The following NUP205 variants were observed in gnomAD, a reference collection of about 807,000 sequenced individuals.
NUP205 encodes nucleoporin 205.
A neutral mutation model predicts 253.8 loss-of-function variants in NUP205; 76 were observed. The ratio of observed to expected loss-of-function variants is 0.30; its 90% confidence interval spans 0.25 to 0.36. The LOEUF is 0.36. Among genes scored for constraint, NUP205 ranks in the 10% least tolerant of loss-of-function variants. The pLI, the probability that NUP205 is intolerant of heterozygous loss-of-function variation, is 1.00. For synonymous variants in NUP205, 832 were observed against 850.1 expected (o/e 0.98, Z 0.37); for missense variants, 2,162 against 2,425.5 (o/e 0.89, Z 2.28).
chr7:135,644,850 T>G (rs1794977195), intron 39 of NUP205, 45 bp from the exon 40 acceptor site: 2 of 1,591,410 alleles, frequency 1.3e-6, no homozygotes, highest in Admixed American at 3.5e-5. Context: ...ATTAAAAATT[T>G]CATTCCAGTT....
chr7:135,637,590 T>TTTTGTTTG (rs1471075735), intron 36 of NUP205, among the ~76,000 whole-genome samples: 1 of 152,200 alleles, frequency 6.6e-6, no homozygotes, highest in Non-Finnish European at 1.5e-5. Flanking sequence ...TTTGCTTCTC[T>TTTTGTTTG]TTTGTTTATA....
Position 135,587,980 on chromosome 7 carries a change from C to G in NUP205, c.1461C>G (p.Pro487=), listed in dbSNP as rs779026235. 3 of 1,612,496 alleles carry G rather than the reference C, an allele frequency of 1.9e-6. No homozygotes were observed. In the South Asian group the frequency reaches 3.3e-5, roughly 18 times the overall value. Reference sequence around the variant, plus strand: ...ATCTAGGGGTGGCTCATCAGCGGCCCCCTCAACGCCAGGTGAGTCTTTAGG... The same window carrying G: ...ATCTAGGGGTGGCTCATCAGCGGCCGCCTCAACGCCAGGTGAGTCTTTAGG... The part of the protein sequence containing the change: ...GSYLGVAHQR[P]PQRQVVLSKF... Residue 487 remains proline, a synonymous_variant, in exon 10 of 43, where the codon CCC becomes CCG. Transcript: ENST00000285968.
chr7:135,632,813 A>C (rs954519016), intron 35 of NUP205, among the ~76,000 whole-genome samples: 1 of 151,918 alleles, frequency 6.6e-6, no homozygotes, highest in Non-Finnish European at 1.5e-5. Context: ...GACTTAACTA[A>C]TTACTCTCAA....
chr7:135,624,664 ACCGCTCCCGGCCTAATTTTTTTAATGG>A (rs1338499633), intron 31 of NUP205, among the ~76,000 whole-genome samples: 1 of 151,990 alleles, frequency 6.6e-6, no homozygotes, highest in African/African-American at 2.4e-5. Flanking sequence ...GGCGTGAGCC[ACCGCTCCCGGCCTAATTTTTTTAATGG>A]CCAGGCTTGT....
chr7:135,558,099 C>T (rs911344467), intron 1 of NUP205, 127 bp downstream of exon 1: 4 of 822,370 alleles, frequency 4.9e-6, no homozygotes, highest in Non-Finnish European at 8.5e-6. Context: ...TTCCCTAATT[C>T]TGGGCCTAGA....
In NUP205 at chr7:135,573,832, T is replaced by A; in HGVS notation, c.343+7T>A. ...GTTGAGCTTCTTCTTGCTGGTAGGT[T>A]GACATTTAACTGAAACAGTGGTAAA... On this transcript the variant is annotated splice_region_variant and intron_variant, in intron 3 of 42. Transcript: ENST00000285968. The A allele has an allele frequency of 6.2e-7, 1 of 1,605,046 alleles. No individual in the cohort carries two copies. The highest frequency in any genetic ancestry group is 1.7e-4 in the Middle Eastern group (1 of 6,000).
Position 135,619,875 on chromosome 7 carries a change from C to T in NUP205, c.4317C>T (p.Asp1439=), listed in dbSNP as rs1483607598. The change falls in exon 30 of 43, where the codon GAC becomes GAT. Residue 1439 remains aspartate (D), a synonymous_variant. Transcript: ENST00000285968. ...TTGCCCAGAGACCTGATGAACCAGACACCTTAGAAGCAGGTAGAATGAGAT... is the reference window on the plus strand; with the variant it reads ...TTGCCCAGAGACCTGATGAACCAGATACCTTAGAAGCAGGTAGAATGAGAT... ...LQIAQRPDEP[D]TLEAAKKTMW... 2 of 1,607,512 alleles carry T rather than the reference C, an allele frequency of 1.2e-6. No homozygotes were observed. The highest frequency in any genetic ancestry group is 2.2e-5 in the East Asian group (1 of 44,838).
At position 135,626,220 on chromosome 7, in the gene NUP205, TTTCTC is replaced by T. The variant is rs1794585393; in HGVS notation, c.4672-17_4672-13del. ...GGACATGATTTCAGCACTGATGATT[TTTCTC>T]TTGTAACTCCTCAGGCATTTCTCAC... On this transcript the variant is annotated splice_polypyrimidine_tract_variant and intron_variant, in intron 32 of 42. Transcript: ENST00000285968. 2 of 1,613,380 alleles carry T rather than the reference TTTCTC, an allele frequency of 1.2e-6. No homozygotes were observed. The highest frequency in any genetic ancestry group is 1.7e-6 in the Non-Finnish European group (2 of 1,179,760).
intron 22 of NUP205, among the ~76,000 whole-genome samples, chr7:135,610,929 G>A (rs190990161): frequency 2.6e-5 from 4 of 151,956 alleles, no homozygotes; most frequent in South Asian, 4.2e-4. Flanking sequence ...TGGAAACCAG[G>A]AAGGATATAG....
chr7:135,570,476 G>C (rs974336597), intron 1 of NUP205, among the ~76,000 whole-genome samples: 1 of 151,438 alleles, frequency 6.6e-6, no homozygotes, highest in African/African-American at 2.4e-5. Flanking sequence ...TGGCCTCCCA[G>C]AGTGCTGGGA....
chr7:135,616,725 A>G lies in NUP205; in HGVS notation c.3531A>G (p.Lys1177=). The G allele has an allele frequency of 6.5e-7, 1 of 1,531,186 alleles. No homozygotes were observed. The highest frequency in any genetic ancestry group is 8.8e-7 in the Non-Finnish European group (1 of 1,138,310). The allele number at this position is 1,531,186 out of a possible 1,614,324, so 94.8% of individuals were successfully genotyped here. Residue 1177 remains lysine (K), a splice_region_variant and synonymous_variant, in exon 25 of 43, where the codon AAA becomes AAG. Coordinates refer to ENST00000285968, the MANE Select transcript of NUP205 (RefSeq NM_015135.3). ...TCCTTCACTTTGACACTGCTACAAA[A>G]GGTAATGCCCTTTGAATTTGTAATA... ...SGFLHFDTAT[K]VRRKILNILD...
chr7:135,599,418 G>C (rs1293756453), intron 15 of NUP205, among the ~76,000 whole-genome samples: 1 of 151,844 alleles, frequency 6.6e-6, no homozygotes, highest in Non-Finnish European at 1.5e-5. Context: ...ACTGAGGTGG[G>C]GTATACACTT....
intron 34 of NUP205, among the ~76,000 whole-genome samples, chr7:135,628,721 A>T (rs1420885410): frequency 1.3e-5 from 2 of 152,236 alleles, no homozygotes; most frequent in Non-Finnish European, 2.9e-5. Flanking sequence ...TCATGAATCT[A>T]CAACCTTGTA....
At chr7:135,628,653 A>AT (rs1216388165) in intron 34 of NUP205, among the ~76,000 whole-genome samples, 2 of 152,208 alleles carry the variant, frequency 1.3e-5, no homozygotes, top group Non-Finnish European at 2.9e-5. Context: ...TCCAACACAC[A>AT]TTTTTTTAAA....
At chr7:135,623,874 C>T (rs1282193139) in intron 31 of NUP205, among the ~76,000 whole-genome samples, 2 of 152,130 alleles carry the variant, frequency 1.3e-5, no homozygotes, top group African/African-American at 4.8e-5. Context: ...GCTCCGCCTC[C>T]CGAGTTCACG....
Position 135,602,969 on chromosome 7 carries a change from G to T in NUP205, c.2677G>T (p.Ala893Ser), listed in dbSNP as rs559396683. 1.2e-6 allele frequency: 2 copies of T among 1,612,436 alleles called. No homozygotes were observed. The highest frequency in any genetic ancestry group is 4.5e-5 in the East Asian group (2 of 44,800). Residue 893 changes from alanine to serine, a missense_variant, in exon 18 of 43, where the codon GCA (alanine) becomes TCA (serine). Transcript: ENST00000285968. ...LQGINPRTKK[A>S]DNVVNIARYL... ...GGGAATTAATCCCAGAACTAAGAAG[G>T]CAGATAATGTGGTAAACATTGCCAG...
intron 1 of NUP205, among the ~76,000 whole-genome samples, chr7:135,560,436 A>G (rs988092785): frequency 4.6e-5 from 7 of 152,222 alleles, no homozygotes; most frequent in African/African-American, 1.7e-4. Flanking sequence ...TTAATTGGCA[A>G]CATAGGAAAC....
At chr7:135,631,863 C>T (rs1338704246) in intron 35 of NUP205, among the ~76,000 whole-genome samples, 1 of 151,854 alleles carries the variant, frequency 6.6e-6, no homozygotes, top group Non-Finnish European at 1.5e-5. Flanking sequence ...CATTCTCCTG[C>T]CTCAGCCTCC....
At chr7:135,622,980 G>A (rs1239270214) in intron 31 of NUP205, 55 bp downstream of exon 31, 4 of 1,555,322 alleles carry the variant, frequency 2.6e-6, no homozygotes, top group Non-Finnish European at 2.6e-6. Context: ...ACTTATTAAG[G>A]TATAAACTGA....
Sources: gnomAD v4.1 joint callset for allele counts (sites outside exome capture counted in the v4.1 genomes callset) on GRCh38, gnomAD v4.1.1 for gene constraint, MANE v1.5 for transcripts, NCBI Gene and HGNC (gene_info 2026-07-23, HGNC 2026-07-21) for gene names.